PLXDC2: variants seen among roughly 807,000 people sequenced by gnomAD.
PLXDC2 encodes the protein plexin domain containing 2.
In PLXDC2, 40 loss-of-function variants were observed where a neutral mutation model predicts 68.9. The ratio of observed to expected loss-of-function variants is 0.58; its 90% CI spans 0.45 to 0.76. The LOEUF (loss-of-function observed/expected upper bound fraction) is 0.76. Ranked by LOEUF, PLXDC2 falls within the 30% of genes least tolerant of loss-of-function variation. PLXDC2 has a pLI of 0.00. For synonymous variants in PLXDC2, 243 were observed against 234.2 expected (o/e 1.04, Z -0.34); for missense variants, 644 against 661.9 (o/e 0.97, Z 0.30).
At chr10:19,926,574 GA>G (rs957832460) in intron 1 of PLXDC2, among the ~76,000 whole-genome samples, 9 of 150,674 alleles carry the variant, frequency 6.0e-5, no homozygotes, top group Admixed American at 6.0e-4. Flanking sequence ...ATCTCAGGTG[GA>G]AAAAAAAATG....
At chr10:19,902,422 T>C (rs1259526681) in intron 1 of PLXDC2, among the ~76,000 whole-genome samples, 1 of 152,112 alleles carries the variant, frequency 6.6e-6, no homozygotes, top group Non-Finnish European at 1.5e-5. Flanking sequence ...TATTTTATTT[T>C]ATTTTATTTT....
chr10:19,862,252 T>C (rs970517977), intron 1 of PLXDC2, among the ~76,000 whole-genome samples: 2 of 152,250 alleles, frequency 1.3e-5, no homozygotes, highest in African/African-American at 4.8e-5. Flanking sequence ...AAAAAGCTTA[T>C]GGTTCTTGTG....
chr10:20,197,357 T>G (rs1834853713), intron 9 of PLXDC2, among the ~76,000 whole-genome samples: 1 of 147,096 alleles, frequency 6.8e-6, no homozygotes, highest in South Asian at 2.1e-4. Flanking sequence ...GGTGATTGTT[T>G]TTTGTTTGTT....
At chr10:20,141,051 A>G (rs189589332) in intron 4 of PLXDC2, among the ~76,000 whole-genome samples, 1 of 152,236 alleles carries the variant, frequency 6.6e-6, no homozygotes, top group Non-Finnish European at 1.5e-5. Context: ...ATTAAAAACC[A>G]TATCTATGGC....
intron 1 of PLXDC2, among the ~76,000 whole-genome samples, chr10:19,954,025 T>G (rs1834031024): frequency 6.6e-6 from 1 of 152,072 alleles, no homozygotes; most frequent in Non-Finnish European, 1.5e-5. Flanking sequence ...GGAAGCTTAG[T>G]AATTTACAGC....
At chr10:20,099,342 T>C (rs1254738422) in intron 4 of PLXDC2, among the ~76,000 whole-genome samples, 2 of 152,188 alleles carry the variant, frequency 1.3e-5, no homozygotes, top group Non-Finnish European at 2.9e-5. Flanking sequence ...AATTTCTCTT[T>C]TAAGGTCTGA....
chr10:20,012,372 C>G (rs1429869759), intron 2 of PLXDC2, among the ~76,000 whole-genome samples: 2 of 115,854 alleles, frequency 1.7e-5, no homozygotes, highest in African/African-American at 6.6e-5. Flanking sequence ...GGCTGGAGTG[C>G]AGTGGCGCGA....
chr10:20,012,711 C>G (rs1202150463), intron 2 of PLXDC2, among the ~76,000 whole-genome samples: 1 of 152,078 alleles, frequency 6.6e-6, no homozygotes, highest in African/African-American at 2.4e-5. Context: ...GCTAACATGT[C>G]ACTCTATGAA....
At chr10:20,201,964 A>C (rs995159738) in intron 9 of PLXDC2, among the ~76,000 whole-genome samples, 1 of 152,146 alleles carries the variant, frequency 6.6e-6, no homozygotes, top group Non-Finnish European at 1.5e-5. Flanking sequence ...TTAGTTTGTG[A>C]ATTTTTTGTA....
intron 5 of PLXDC2, among the ~76,000 whole-genome samples, 155 bp downstream of exon 5, chr10:20,143,572 A>G (rs1834034842): frequency 6.6e-6 from 1 of 152,128 alleles, no homozygotes; most frequent in Non-Finnish European, 1.5e-5. Context: ...GCTAAGATTT[A>G]TAAAGTACAC....
intron 1 of PLXDC2, among the ~76,000 whole-genome samples, chr10:19,912,510 AT>A (rs1213783506): frequency 1.3e-5 from 2 of 152,152 alleles, no homozygotes; most frequent in Non-Finnish European, 2.9e-5. Context: ...TATGATACAT[AT>A]GACTTTGATA....
At chr10:20,061,440 T>C (rs10827941) in intron 3 of PLXDC2, among the ~76,000 whole-genome samples, 123,526 of 152,168 alleles carry the variant, frequency 0.81, 50,359 homozygotes, top group East Asian at 0.9. Flanking sequence ...ATTTTGTCCT[T>C]CCTCGTGCAT....
intron 4 of PLXDC2, among the ~76,000 whole-genome samples, chr10:20,110,182 G>T (rs542779762): frequency 7.9e-5 from 12 of 152,270 alleles, no homozygotes; most frequent in Admixed American, 2.0e-4. Flanking sequence ...GGCAGGTGGT[G>T]TTATGCAAGG....
In PLXDC2 at chr10:19,953,106, C is replaced by T. The variant is rs114548233; in HGVS notation, c.113-48669C>T. ...GTCTCGAACTCCTGACCTCAGGTGA[C>T]CCACCCACCTAGGTGTGTAAACTTG... On this transcript the variant is annotated intron_variant, in intron 1 of 13. Coordinates refer to ENST00000377252, the MANE Select transcript of PLXDC2 (RefSeq NM_032812.9). Among the ~76,000 whole-genome samples, 1,118 of 152,174 alleles carry T rather than the reference C, an allele frequency of 7.3e-3. 14 individuals are homozygous for T. Among genetic ancestry groups the T allele is most frequent in the African/African-American group, 0.025 (1,021 of 41,538 alleles).
At chr10:20,107,227 C>T (rs1833503954) in intron 4 of PLXDC2, among the ~76,000 whole-genome samples, 1 of 151,792 alleles carries the variant, frequency 6.6e-6, no homozygotes, top group South Asian at 2.1e-4. Context: ...TATTACTATT[C>T]CTTGGTATAT....
At chr10:20,028,554 C>T (rs1835441620) in intron 2 of PLXDC2, among the ~76,000 whole-genome samples, 1 of 151,996 alleles carries the variant, frequency 6.6e-6, no homozygotes, top group Non-Finnish European at 1.5e-5. Context: ...ATAGATATAC[C>T]AGGTTCTGTT....
In PLXDC2 at chr10:20,074,426, C is replaced by CA. The variant is rs1235910280; in HGVS notation, c.541+6196dup. On this transcript the variant is annotated intron_variant, in intron 4 of 13. Transcript: ENST00000377252. ...TCTCTTAGTTCACCAGTTTCCCTCC[C>CA]AAAAAAAAATACCTTACTTTTTGAG... Among the ~76,000 whole-genome samples, 722 of 149,928 alleles carry CA rather than the reference C, an allele frequency of 4.8e-3. 6 individuals are homozygous for CA. Among genetic ancestry groups the CA allele is most frequent in the African/African-American group, 0.016 (635 of 40,962 alleles).
intron 9 of PLXDC2, among the ~76,000 whole-genome samples, chr10:20,189,436 C>T (rs898795947): frequency 6.2e-4 from 70 of 112,176 alleles, no homozygotes; most frequent in South Asian, 1.5e-3. Context: ...ATAAAACCAT[C>T]GATAAACAAA....
At chr10:20,090,004 T>C (rs1330185155) in intron 4 of PLXDC2, among the ~76,000 whole-genome samples, 1 of 152,164 alleles carries the variant, frequency 6.6e-6, no homozygotes, top group Non-Finnish European at 1.5e-5. Flanking sequence ...TGGTAAACCA[T>C]GGCCTTGGTT....
Sources: gnomAD v4.1 joint callset for allele counts (sites outside exome capture counted in the v4.1 genomes callset) on GRCh38, gnomAD v4.1.1 for gene constraint, MANE v1.5 for transcripts, NCBI Gene and HGNC (gene_info 2026-07-23, HGNC 2026-07-21) for gene names.